C11orf54: variants seen among roughly 807,000 people sequenced by gnomAD.
The protein encoded by C11orf54 is beta-keto L-gulonate decarboxylase.
Under a neutral mutation model 35.5 loss-of-function variants are expected in C11orf54, and 29 were observed. The observed-to-expected ratio is 0.82, with a 90% CI of 0.61 to 1.11. C11orf54 has a LOEUF of 1.11. Among genes scored for constraint, C11orf54 ranks in the 50% most tolerant of loss-of-function variants. C11orf54 has a pLI of 0.00. For missense variants in C11orf54, 373 were observed against 369.2 expected, an observed-to-expected ratio of 1.01 and a Z score of -0.08; for synonymous variants, 108 against 121.1, an observed-to-expected ratio of 0.89 and a Z score of 0.71.
At chr11:93,747,225 G>A (rs1942517871) in intron 1 of C11orf54, 72 bp from the exon 2 acceptor site, 2 of 417,814 alleles carry the variant, frequency 4.8e-6, no homozygotes, top group Middle Eastern at 3.9e-4. Context: ...GTGTTTGCCT[G>A]TTTATGAAGA....
intron 2 of C11orf54, among the ~76,000 whole-genome samples, chr11:93,747,834 G>A (rs1489493106): frequency 6.6e-6 from 1 of 152,046 alleles, no homozygotes; most frequent in African/African-American, 2.4e-5. Flanking sequence ...ATACTCTACT[G>A]TTGTATGTTA....
Position 93,755,518 on chromosome 11 carries a change from T to TAACTTGAGGTC in C11orf54, c.507+145_507+155dup. The TAACTTGAGGTC allele has an allele frequency of 7.7e-6, 7 of 914,856 alleles. No individual in the cohort carries two copies. In the South Asian group the frequency reaches 1.2e-4, roughly 16 times the overall value. 56.7% of individuals were successfully genotyped at this position (914,856 alleles called of 1,614,324 possible). On this transcript the variant is annotated intron_variant, in intron 6 of 8. Coordinates refer to ENST00000354421, the MANE Select transcript of C11orf54 (RefSeq NM_001286069.2). The stretch of plus-strand genomic sequence containing the variant: ...ACTTTGGGAGGCCAAGCTGGGTGGA[T>TAACTTGAGGTC]AACTTGAGGTCAACTTGAGGTCAGG...
chr11:93,757,088 T>G (rs1249690809), intron 6 of C11orf54, among the ~76,000 whole-genome samples: 1 of 152,090 alleles, frequency 6.6e-6, no homozygotes, highest in East Asian at 1.9e-4. Context: ...AAAGCATGCT[T>G]AAGACTTACT....
rs552528521 is a variant in C11orf54 at position 93,750,011 on chromosome 11, GCTTA to G, written c.56-331_56-328del. Among the ~76,000 whole-genome samples, 479 of 152,224 alleles carry G rather than the reference GCTTA, an allele frequency of 3.1e-3. 7 individuals are homozygous for G. The highest frequency in any genetic ancestry group is 2.6e-3 in the Non-Finnish European group (176 of 67,998). ...TTCACTGAAGTTGTTACATGTGATT[GCTTA>G]CTTTTTAAAAAGTTTAAATGTTTGC... On this transcript the variant is annotated intron_variant, in intron 2 of 8. Transcript: ENST00000354421.
chr11:93,756,529 T>C (rs1943167983), intron 6 of C11orf54, among the ~76,000 whole-genome samples: 1 of 151,948 alleles, frequency 6.6e-6, no homozygotes, highest in African/African-American at 2.4e-5. Context: ...GCAAGACCTT[T>C]TTCTGAGAAC....
intron 6 of C11orf54, 100 bp downstream of exon 6, chr11:93,755,486 G>C: frequency 7.2e-7 from 1 of 1,380,820 alleles, no homozygotes; most frequent in East Asian, 2.4e-5. Flanking sequence ...AAGAAAATTA[G>C]TTTCCCACTT....
intron 3 of C11orf54, among the ~76,000 whole-genome samples, chr11:93,751,611 A>T (rs886822141): frequency 1.3e-5 from 2 of 151,358 alleles, no homozygotes; most frequent in African/African-American, 4.9e-5. Flanking sequence ...TCACCGTGTT[A>T]GCCAGGATGG....
intron 2 of C11orf54, among the ~76,000 whole-genome samples, chr11:93,748,407 C>A (rs879393305): frequency 6.6e-6 from 1 of 152,156 alleles, no homozygotes; most frequent in Non-Finnish European, 1.5e-5. Context: ...CTCGGCCACC[C>A]AAAGTGTTGG....
chr11:93,744,896 G>A (rs1266570414), intron 1 of C11orf54, among the ~76,000 whole-genome samples: 1 of 152,142 alleles, frequency 6.6e-6, no homozygotes, highest in Admixed American at 6.5e-5. Context: ...ATCTCGGCAA[G>A]GGAACTGCGG....
rs1943397024 is a variant in C11orf54, at chr11:93,760,455, A to C, written c.774+597A>C. ...GCCCCAGTATTCTTAGCTACTGAGG[A>C]GGCTGACTTGAACCCAGAAGTTTGA... On this transcript the variant is annotated intron_variant, in intron 8 of 8. Coordinates refer to ENST00000354421, the MANE Select transcript of C11orf54 (RefSeq NM_001286069.2). 2.0e-5 allele frequency among the ~76,000 whole-genome samples: 3 copies of C among 152,208 alleles called. No homozygotes were observed. In the South Asian group the frequency reaches 6.2e-4, roughly 32 times the overall value.
At chr11:93,751,363 G>C (rs1298706312) in intron 3 of C11orf54, among the ~76,000 whole-genome samples, 1 of 147,754 alleles carries the variant, frequency 6.8e-6, no homozygotes, top group African/African-American at 2.5e-5. Flanking sequence ...ATTTCTTTTA[G>C]CTTCTTCAAA....
chr11:93,741,870 G>A, intron 1 of C11orf54, 142 bp downstream of exon 1: 1 of 217,998 alleles, frequency 4.6e-6, no homozygotes, highest in Non-Finnish European at 9.5e-6. Flanking sequence ...CTGTCGCCTG[G>A]CTTTCTAAAT....
At chr11:93,753,836 T>A (rs1413176831) in intron 4 of C11orf54, 81 bp downstream of exon 4, 1 of 1,549,714 alleles carries the variant, frequency 6.5e-7, no homozygotes, top group East Asian at 2.2e-5. Context: ...GAAGACCTGT[T>A]GATCAGTTGG....
intron 5 of C11orf54, 97 bp downstream of exon 5, chr11:93,754,134 G>T: frequency 9.8e-7 from 1 of 1,017,558 alleles, no homozygotes; most frequent in Non-Finnish European, 1.5e-6. Context: ...TGAGTGAATT[G>T]TAAATCTCTC....
rs945679352 is a variant in C11orf54 at position 93,762,421 on chromosome 11, G to A, written c.*733G>A. 6.6e-6 allele frequency: 1 copy of A among 152,136 alleles called. No homozygotes were observed. Among genetic ancestry groups the A allele is most frequent in the East Asian group, 1.9e-4 (1 of 5,206 alleles). The allele number at this position is 152,136 out of a possible 1,614,324, so 9.4% of individuals were successfully genotyped here. A position where few individuals can be genotyped will look rare whatever the true frequency, so the allele number is the denominator to read the frequency against. On this transcript the variant is annotated 3_prime_UTR_variant, in exon 9 of 9. Transcript: ENST00000354421. The stretch of plus-strand genomic sequence containing the variant: ...TTTTTATAGAACAAGGTGGCAGGTG[G>A]GGAGCCCTTTACCCTTCTGGTGAAG...
In C11orf54 at chr11:93,757,303, A is replaced by G. The variant is rs138422157; in HGVS notation, c.508-13A>G. 1.9e-6 allele frequency: 3 copies of G among 1,594,108 alleles called. No individual in the cohort carries two copies. Among genetic ancestry groups the G allele is most frequent in the African/African-American group, 2.7e-5 (2 of 74,776 alleles). ...AGCATAGTCAATGGTATGCATCTTT[A>G]TGTCCTCTATAGGTAATTGAGGTGA... On this transcript the variant is annotated splice_polypyrimidine_tract_variant and intron_variant, in intron 6 of 8. Transcript: ENST00000354421.
chr11:93,752,850 A>G (rs895695499), intron 3 of C11orf54, among the ~76,000 whole-genome samples: 1 of 147,002 alleles, frequency 6.8e-6, no homozygotes, highest in Non-Finnish European at 1.5e-5. Context: ...CCAGGTTCAC[A>G]CCATTCTCCT....
intron 1 of C11orf54, among the ~76,000 whole-genome samples, chr11:93,743,535 C>T (rs1282387193): frequency 6.6e-6 from 1 of 152,124 alleles, no homozygotes; most frequent in Non-Finnish European, 1.5e-5. Flanking sequence ...CTGCTGCGCT[C>T]CACCCTTTAT....
chr11:93,751,276 G>A (rs904770365), intron 3 of C11orf54, among the ~76,000 whole-genome samples: 2 of 152,048 alleles, frequency 1.3e-5, no homozygotes, highest in Non-Finnish European at 2.9e-5. Context: ...AATGTTTTTT[G>A]GGGGCCTTTA....
Sources: allele counts gnomAD v4.1 joint callset (sites outside exome capture counted in the v4.1 genomes callset), GRCh38; gene constraint gnomAD v4.1.1; transcripts MANE v1.5; gene names NCBI Gene and HGNC (gene_info 2026-07-23, HGNC 2026-07-21).